KATNIP: variants seen among roughly 807,000 people sequenced by gnomAD.
KATNIP encodes katanin interacting protein, also known as katanin-interacting protein.
In KATNIP, 126 loss-of-function variants were observed where a neutral mutation model predicts 174.0. The ratio of observed to expected loss-of-function variants is 0.72; its 90% CI spans 0.63 to 0.84. The LOEUF is 0.84. KATNIP is among the 40% of genes least tolerant of loss of function. The pLI is 0.00. For synonymous variants in KATNIP, 810 were observed against 835.7 expected, an observed-to-expected ratio of 0.97 and a Z score of 0.53; for missense variants, 1,958 against 2,109.7, an observed-to-expected ratio of 0.93 and a Z score of 1.41.
intron 12 of KATNIP, among the ~76,000 whole-genome samples, chr16:27,704,950 G>A (rs894713981): frequency 1.0e-4 from 14 of 138,138 alleles, no homozygotes; most frequent in Non-Finnish European, 1.4e-4. Context: ...TTGTTCTGTC[G>A]CCCAGGCTGG....
chr16:27,562,659 G>T (rs1354598431), intron 1 of KATNIP, among the ~76,000 whole-genome samples: 1 of 152,226 alleles, frequency 6.6e-6, no homozygotes, highest in African/African-American at 2.4e-5. Context: ...ATGAGACTTG[G>T]TTGGAGTGCC....
chr16:27,648,846 G>A (rs575195792), intron 6 of KATNIP, 111 bp downstream of exon 6: 10 of 1,214,158 alleles, frequency 8.2e-6, no homozygotes, highest in South Asian at 7.2e-5. Flanking sequence ...TCCTTCACTC[G>A]CCGCTGTGTT....
intron 8 of KATNIP, among the ~76,000 whole-genome samples, chr16:27,682,140 A>G (rs187451544): frequency 6.6e-6 from 1 of 152,354 alleles, no homozygotes; most frequent in East Asian, 1.9e-4. Flanking sequence ...TCAGATGAGT[A>G]ATAATATGTG....
At position 27,637,001 on chromosome 16, in the gene KATNIP, C is replaced by G. The variant is rs185731613; in HGVS notation, c.408+5839C>G. Among the ~76,000 whole-genome samples the G allele has an allele frequency of 1.3e-5, 2 of 152,382 alleles. No individual in the cohort carries two copies. Among genetic ancestry groups the G allele is most frequent in the Non-Finnish European group, 2.9e-5 (2 of 68,038 alleles). ...GCAAAGCCTTGGCTCCGCCTCCTGC[C>G]AGCTGCACAGTGGCTAAGACGCTTA... On this transcript the variant is annotated intron_variant, in intron 5 of 27. Transcript: ENST00000261588. This position sits in a 1 kb window ranked among gnomAD's most constrained non-coding sequence, Gnocchi z 4.7.
intron 14 of KATNIP, among the ~76,000 whole-genome samples, chr16:27,736,884 A>C (rs1224268056): frequency 6.6e-6 from 1 of 152,200 alleles, no homozygotes; most frequent in Non-Finnish European, 1.5e-5. Context: ...CTGGTGGCCC[A>C]GGCAGCAGCA....
At position 27,628,567 on chromosome 16, in the gene KATNIP, T is replaced by A. The variant is rs879059292; in HGVS notation, c.141-94T>A. 19 of 1,344,754 alleles carry A rather than the reference T, an allele frequency of 1.4e-5. No individual in the cohort carries two copies. The South Asian group carries it at 2.2e-4, about 16-fold the overall frequency. 83.3% of individuals were successfully genotyped at this position (1,344,754 alleles called of 1,614,324 possible). Reference sequence around the variant, plus strand: ...CCCCTGGGCTCTGATTAGAGACGCTTCACTGTGGGAACAGCAGTTCACTCC... The same window carrying A: ...CCCCTGGGCTCTGATTAGAGACGCTACACTGTGGGAACAGCAGTTCACTCC... On this transcript the variant is annotated intron_variant, in intron 3 of 27. Coordinates refer to ENST00000261588, the MANE Select transcript of KATNIP (RefSeq NM_015202.5).
At chr16:27,591,985 T>A (rs778162313) in intron 2 of KATNIP, among the ~76,000 whole-genome samples, 3 of 152,174 alleles carry the variant, frequency 2.0e-5, no homozygotes, top group Non-Finnish European at 4.4e-5. Flanking sequence ...TCATCCAGTT[T>A]ATTCTGTGTG....
At chr16:27,550,250 A>G (rs2141483645) in intron 1 of KATNIP, 73 bp downstream of exon 1, 9 of 1,547,808 alleles carry the variant, frequency 5.8e-6, no homozygotes, top group Non-Finnish European at 7.9e-6. Context: ...CTTTGGGCAG[A>G]ATCCTAGGCC....
chr16:27,671,975 G>A (rs1420178494), intron 6 of KATNIP, among the ~76,000 whole-genome samples: 1 of 152,174 alleles, frequency 6.6e-6, no homozygotes, highest in African/African-American at 2.4e-5. Flanking sequence ...AGAATCGCTT[G>A]AACCCGGAAG....
At chr16:27,629,690 G>A (rs943987932) in intron 4 of KATNIP, among the ~76,000 whole-genome samples, 4 of 152,212 alleles carry the variant, frequency 2.6e-5, no homozygotes, top group Non-Finnish European at 4.4e-5. Context: ...AAGCCACTTA[G>A]TCTCTCTGTG....
chr16:27,626,152 TG>T (rs765803069), intron 3 of KATNIP, among the ~76,000 whole-genome samples: 5 of 152,300 alleles, frequency 3.3e-5, no homozygotes, highest in Non-Finnish European at 5.9e-5. Flanking sequence ...CACTGTGCTC[TG>T]GCCTCTGTAT....
chr16:27,705,752 C>G (rs747068937), intron 12 of KATNIP, among the ~76,000 whole-genome samples: 8 of 152,126 alleles, frequency 5.3e-5, no homozygotes, highest in African/African-American at 9.7e-5. Flanking sequence ...TCACAGCTCA[C>G]TGCAGCCTTG....
chr16:27,766,709 T>TG (rs2082138078), intron 20 of KATNIP, among the ~76,000 whole-genome samples: 1 of 152,198 alleles, frequency 6.6e-6, no homozygotes, highest in South Asian at 2.1e-4. Context: ...CTCCTGGTGC[T>TG]GGGGGGTCCT....
intron 2 of KATNIP, among the ~76,000 whole-genome samples, chr16:27,594,407 T>C (rs2075273164): frequency 6.6e-6 from 1 of 152,042 alleles, no homozygotes. Flanking sequence ...TGACTCAGGC[T>C]AGAGAGCCCA....
At chr16:27,647,451 C>T (rs2076988973) in intron 5 of KATNIP, among the ~76,000 whole-genome samples, 1 of 152,088 alleles carries the variant, frequency 6.6e-6, no homozygotes, top group South Asian at 2.1e-4. Context: ...AAGCAATCCC[C>T]CCACCTCAGC....
At chr16:27,742,330 C>T (rs1330003031) in intron 15 of KATNIP, among the ~76,000 whole-genome samples, 2 of 152,232 alleles carry the variant, frequency 1.3e-5, no homozygotes, top group East Asian at 3.8e-4. Flanking sequence ...CTTCCCCACC[C>T]AGTGTGGCAA....
intron 2 of KATNIP, among the ~76,000 whole-genome samples, chr16:27,589,350 C>A (rs886453661): frequency 1.3e-5 from 2 of 152,212 alleles, no homozygotes; most frequent in Non-Finnish European, 2.9e-5. Context: ...TTGTGGGCCA[C>A]ACGGTCTCTT....
At chr16:27,710,802 G>A (rs1260448495) in intron 13 of KATNIP, among the ~76,000 whole-genome samples, 2 of 152,144 alleles carry the variant, frequency 1.3e-5, no homozygotes, top group East Asian at 3.9e-4. Context: ...CCCAGCCTTT[G>A]CTGTTATTGT....
At chr16:27,675,053 G>A (rs914585843) in intron 6 of KATNIP, among the ~76,000 whole-genome samples, 1 of 152,156 alleles carries the variant, frequency 6.6e-6, no homozygotes, top group Admixed American at 6.5e-5. Flanking sequence ...ATAGGTGTAG[G>A]ATAACAGTTA....
Sources: gnomAD v4.1 joint callset for allele counts (sites outside exome capture counted in the v4.1 genomes callset) on GRCh38, gnomAD v4.1.1 for gene constraint, Gnocchi (gnomAD v3.1) non-coding constraint, MANE v1.5 for transcripts, NCBI Gene and HGNC (gene_info 2026-07-23, HGNC 2026-07-21) for gene names.